Variants in PDZD9 observed in about 807,000 individuals in gnomAD.
PDZD9 encodes PDZ domain-containing protein 9.
In PDZD9, 13 loss-of-function variants were observed where a neutral mutation model predicts 16.3. The observed-to-expected ratio is 0.80, with a 90% CI of 0.52 to 1.27. The LOEUF is 1.27. Among genes scored for constraint, PDZD9 ranks in the 50% most tolerant of loss-of-function variants. PDZD9 has a pLI of 0.00. For synonymous variants in PDZD9, 120 were observed against 111.0 expected, an observed-to-expected ratio of 1.08 and a Z score of -0.51; for missense variants, 288 against 310.9, an observed-to-expected ratio of 0.93 and a Z score of 0.55.
At chr16:21,995,783 T>A (rs1899134515) in intron 2 of PDZD9, among the ~76,000 whole-genome samples, 1 of 151,926 alleles carries the variant, frequency 6.6e-6, no homozygotes, top group African/African-American at 2.4e-5. Flanking sequence ...TTTGTATTTA[T>A]TTTATTTATT....
the PDZD9 span, chr16:21,973,917 T>C: frequency 6.2e-7 from 1 of 1,613,176 alleles, no homozygotes; most frequent in Non-Finnish European, 8.5e-7. Context: ...TAATGCCAGT[T>C]ACTCAGATTC....
At chr16:21,962,662 G>T in the PDZD9 span, 2 of 1,594,540 alleles carry the variant, frequency 1.3e-6, no homozygotes, top group African/African-American at 1.3e-5. Flanking sequence ...CTTACCACAA[G>T]ACCTAAAGTT....
At chr16:21,982,597 C>G (rs1440269715), downstream of PDZD9, among the ~76,000 whole-genome samples, 1 of 152,212 alleles carries the variant, frequency 6.6e-6, no homozygotes, top group Non-Finnish European at 1.5e-5. Context: ...TCCTCCCACA[C>G]TGTCCCAAAT....
chr16:21,978,370 A>G, the PDZD9 span, among the ~76,000 whole-genome samples: 4 of 152,340 alleles, frequency 2.6e-5, no homozygotes, highest in Admixed American at 6.5e-5. Flanking sequence ...TTGAGGTTCA[A>G]ATAACTCGAC....
At chr16:21,976,268 T>G in the PDZD9 span, 1 of 1,577,862 alleles carries the variant, frequency 6.3e-7, no homozygotes, top group African/African-American at 1.4e-5. Context: ...TAACTGTGTT[T>G]TATGTTTTTG....
At chr16:21,982,286 C>T (rs897398781), downstream of PDZD9, among the ~76,000 whole-genome samples, 1 of 152,132 alleles carries the variant, frequency 6.6e-6, no homozygotes, top group Non-Finnish European at 1.5e-5. Context: ...TCCACCTACA[C>T]CTGACTCATG....
chr16:21,978,502 T>C, the PDZD9 span, among the ~76,000 whole-genome samples: 1 of 152,214 alleles, frequency 6.6e-6, no homozygotes, highest in Non-Finnish European at 1.5e-5. Context: ...TTACAAGACC[T>C]GTACTGCCCT....
At chr16:21,957,688 C>T in the PDZD9 span, 22 of 1,381,722 alleles carry the variant, frequency 1.6e-5, no homozygotes, top group Middle Eastern at 1.9e-4. Flanking sequence ...CAAATTACCA[C>T]GGACTGGGTA....
chr16:21,980,873 T>C (rs1003431546), downstream of PDZD9, among the ~76,000 whole-genome samples: 2 of 152,172 alleles, frequency 1.3e-5, no homozygotes, highest in African/African-American at 4.8e-5. Context: ...CAAGCTTCCC[T>C]GTCAGCTCGA....
the PDZD9 span, among the ~76,000 whole-genome samples, chr16:21,977,490 T>G: frequency 2.0e-5 from 3 of 152,180 alleles, no homozygotes; most frequent in Non-Finnish European, 4.4e-5. Context: ...AAAAAAGATC[T>G]GATTTTGTTT....
chr16:21,984,714 G>T, intron 3 of PDZD9, 54 bp from the exon 4 acceptor site: 4 of 1,384,738 alleles, frequency 2.9e-6, no homozygotes, highest in Non-Finnish European at 3.8e-6. Flanking sequence ...AAACATTTAT[G>T]GTCCCCTAAC....
At chr16:21,974,968 G>A in the PDZD9 span, among the ~76,000 whole-genome samples, 2 of 152,200 alleles carry the variant, frequency 1.3e-5, no homozygotes, top group African/African-American at 4.8e-5. Context: ...CAGACAAATA[G>A]TGAGGTACAC....
At chr16:21,979,671 T>C (rs1898668477), downstream of PDZD9, among the ~76,000 whole-genome samples, 1 of 152,116 alleles carries the variant, frequency 6.6e-6, no homozygotes, top group African/African-American at 2.4e-5. Context: ...AGTCAGTGAG[T>C]GAGTGGTGAG....
In PDZD9 at chr16:21,988,806, A is replaced by C. The variant is rs904708867; in HGVS notation, c.212-15T>G. On this transcript the variant is annotated splice_polypyrimidine_tract_variant and intron_variant, in intron 2 of 3. Coordinates refer to ENST00000424898, the MANE Select transcript of PDZD9 (RefSeq NM_001363519.1). ...CAGAACATCACCTGAAGAGGGAAAA[A>C]ATTATGTATCAGTAAAACTAGAGGT... 1.5e-5 allele frequency: 23 copies of C among 1,580,810 alleles called. No homozygotes were observed. The highest frequency in any genetic ancestry group is 1.9e-5 in the Non-Finnish European group (22 of 1,166,146).
intron 2 of PDZD9, 72 bp downstream of exon 2, chr16:21,996,250 C>T (rs959269086): frequency 1.6e-5 from 22 of 1,416,332 alleles, no homozygotes; most frequent in East Asian, 9.9e-5. Context: ...CACTGAAACC[C>T]GGTGACCCGA....
the PDZD9 span, chr16:21,962,850 T>C: frequency 1.2e-6 from 2 of 1,614,090 alleles, no homozygotes; most frequent in Non-Finnish European, 1.7e-6. Context: ...CAGCTAAAGA[T>C]TGACAAAGCT....
At chr16:21,957,821 A>G in the PDZD9 span, among the ~76,000 whole-genome samples, 3 of 152,154 alleles carry the variant, frequency 2.0e-5, no homozygotes, top group African/African-American at 7.2e-5. Flanking sequence ...GGAAGGCACA[A>G]ATCCTCCCCT....
At chr16:21,958,957 A>G in the PDZD9 span, among the ~76,000 whole-genome samples, 2 of 152,360 alleles carry the variant, frequency 1.3e-5, no homozygotes, top group East Asian at 1.9e-4. Flanking sequence ...TAAGTGTACA[A>G]TGACATTTTG....
the PDZD9 span, chr16:21,971,988 G>A: frequency 1.6e-4 from 261 of 1,614,032 alleles, no homozygotes; most frequent in Non-Finnish European, 2.1e-4. Flanking sequence ...AAGTGCTGTC[G>A]CGGGAAGTGC....
Sources: gnomAD v4.1 joint callset for allele counts (sites outside exome capture counted in the v4.1 genomes callset) on GRCh38, gnomAD v4.1.1 for gene constraint, MANE v1.5 for transcripts, NCBI Gene and HGNC (gene_info 2026-07-23, HGNC 2026-07-21) for gene names.